Variants in PARP3 observed in about 807,000 individuals in gnomAD.
The protein encoded by PARP3 is protein mono-ADP-ribosyltransferase PARP3.
PARP3 carries 46 observed loss-of-function variants against 58.2 expected under a neutral mutation model. The observed-to-expected ratio is 0.79, with a 90% confidence interval of 0.62 to 1.01. The LOEUF is 1.01. Among genes scored for constraint, PARP3 ranks in the 50% least tolerant of loss-of-function variants. The pLI is 0.00. For missense variants in PARP3, 663 were observed against 683.9 expected, an observed-to-expected ratio of 0.97 and a Z score of 0.34; for synonymous variants, 252 against 266.4, an observed-to-expected ratio of 0.95 and a Z score of 0.53.
intron 1 of PARP3, chr3:51,942,920 T>G: frequency 7.1e-7 from 1 of 1,409,676 alleles, no homozygotes; most frequent in Non-Finnish European, 9.2e-7. Flanking sequence ...CTGCCCACCC[T>G]CCCCCATAGC....
chr3:51,945,294 G>A, intron 6 of PARP3, 70 bp downstream of exon 6: 9 of 1,509,868 alleles, frequency 6.0e-6, no homozygotes, highest in Non-Finnish European at 2.7e-6. Context: ...CGAGATGAAG[G>A]GCAGGTGGCC....
Position 51,943,592 on chromosome 3 carries a change from A to G in PARP3, c.183+54A>G. ...AGCCTGCCCACTGATAAGCACAAAC[A>G]CACCCAGGCCACCCCCTTAGGACTC... On this transcript the variant is annotated intron_variant, in intron 2 of 10. Coordinates refer to ENST00000398755, the MANE Select transcript of PARP3 (RefSeq NM_001003931.4). 5.3e-6 allele frequency: 8 copies of G among 1,502,614 alleles called. No individual in the cohort carries two copies. The South Asian group carries it at 8.3e-5, about 16-fold the overall frequency. 93.1% of individuals were successfully genotyped at this position (1,502,614 alleles called of 1,614,324 possible). A position where few individuals can be genotyped will look rare whatever the true frequency, so the allele number is the denominator to read the frequency against.
chr3:51,945,939 G>A lies in PARP3; in HGVS notation c.1098G>A (p.Glu366=), dbSNP rs1699666728. Residue 366 remains glutamate (E), a splice_region_variant and synonymous_variant, in exon 8 of 11, where the codon GAG becomes GAA. Transcript: ENST00000398755. ...TCTGGAAAGTAAACCAAGAAGGGGA[G>A]GTGAGGGAGGTTCCCCCACCTCTCC... ...QHIWKVNQEG[E]EDRFQAHSKL... 1 of 1,612,376 alleles carries A rather than the reference G, an allele frequency of 6.2e-7. No individual in the cohort carries two copies. Among genetic ancestry groups the A allele is most frequent in the African/African-American group, 1.3e-5 (1 of 74,896 alleles).
chr3:51,943,993 C>T (rs760653558), intron 2 of PARP3, 96 bp from the exon 3 acceptor site: 29 of 1,195,834 alleles, frequency 2.4e-5, no homozygotes, highest in East Asian at 4.7e-5. Context: ...CTCCCACTGC[C>T]GTCAGACTCC....
In PARP3 at chr3:51,943,994, G is replaced by C. The variant is rs116642875; in HGVS notation, c.184-95G>C. The C allele has an allele frequency of 4.7e-4, 580 of 1,240,416 alleles. 3 individuals carry two copies. In the African/African-American group the frequency reaches 7.2e-3, roughly 15 times the overall value. 76.8% of individuals were successfully genotyped at this position (1,240,416 alleles called of 1,614,324 possible). The stretch of plus-strand genomic sequence containing the variant: ...CAGGGTCCCTCTGACTCCCACTGCC[G>C]TCAGACTCCTGTCCCCATCAGAGCC... On this transcript the variant is annotated intron_variant, in intron 2 of 10. Transcript: ENST00000398755.
Position 51,942,519 on chromosome 3 carries a change from G to C in PARP3, c.-192G>C, listed in dbSNP as rs997877005. The C allele has an allele frequency of 1.4e-6, 1 of 695,986 alleles. No homozygotes were observed. The highest frequency in any genetic ancestry group is 2.0e-5 in the Admixed American group (1 of 48,906). 43.1% of individuals were successfully genotyped at this position (695,986 alleles called of 1,614,324 possible). On this transcript the variant is annotated 5_prime_UTR_variant, in exon 1 of 11. Transcript: ENST00000398755. ...GCCCCAGCCTCTGCTTCACCCCACT[G>C]GTGGCCAAATAGCCGATGTCTAATC... is the stretch of plus-strand genomic sequence containing the variant.
Position 51,943,435 on chromosome 3 carries a change from A to T in PARP3, c.80A>T (p.Asp27Val). The T allele has an allele frequency of 1.9e-6, 3 of 1,606,672 alleles. No homozygotes were observed. Among genetic ancestry groups the T allele is most frequent in the Non-Finnish European group, 2.5e-6 (3 of 1,177,164 alleles). ...GGCCGGCAGGCAGGAAGGGAGGAGG[A>T]CCCCTTCCGCTCCACCGCTGAGGCC... ...KKGRQAGREEDPFRSTAEALK... is the reference protein window; with the variant it reads ...KKGRQAGREEVPFRSTAEALK... Residue 27 changes from aspartate (D) to valine (V), a missense_variant, in exon 2 of 11, where the codon GAC (aspartate) becomes GTC (valine). This residue lies in a region of PARP3 where 567 missense variants were observed against 553.6 expected (regional missense o/e 1.02). Coordinates refer to ENST00000398755, the MANE Select transcript of PARP3 (RefSeq NM_001003931.4).
chr3:51,947,957 A>AGGG (rs569221325), intron 10 of PARP3, 62 bp downstream of exon 10: 40,873 of 1,521,756 alleles, frequency 0.027, 692 homozygotes, highest in Non-Finnish European at 0.033. Context: ...GGGCTGGGAC[A>AGGG]TTTTCAGGGA....
At position 51,946,411 on chromosome 3, in the gene PARP3, C is replaced by A; in HGVS notation, c.1276+68C>A. 2 of 1,286,958 alleles carry A rather than the reference C, an allele frequency of 1.6e-6. No homozygotes were observed. Among genetic ancestry groups the A allele is most frequent in the Non-Finnish European group, 2.2e-6 (2 of 928,176 alleles). The allele number at this position is 1,286,958 out of a possible 1,614,324, so 79.7% of individuals were successfully genotyped here. ...AAGATGGATTGGGCCCAGTCCTTGG[C>A]CACTGGAAATTCATGGTGAATCCAA... is the stretch of plus-strand genomic sequence containing the variant. On this transcript the variant is annotated intron_variant, in intron 9 of 10. Transcript: ENST00000398755. This position sits in a 1 kb window ranked among gnomAD's most constrained non-coding sequence, Gnocchi z 4.6.
intron 10 of PARP3, among the ~76,000 whole-genome samples, 182 bp from the exon 11 acceptor site, chr3:51,948,129 G>A (rs1224301665): frequency 6.6e-6 from 1 of 152,242 alleles, no homozygotes; most frequent in African/African-American, 2.4e-5. Context: ...GTTTCCCAGA[G>A]AGAAGTCGGG....
chr3:51,944,878 T>C lies in PARP3; in HGVS notation c.602T>C (p.Met201Thr). 1.9e-6 allele frequency: 3 copies of C among 1,613,960 alleles called. No homozygotes were observed. The highest frequency in any genetic ancestry group is 2.2e-5 in the South Asian group (2 of 91,088). The change falls in exon 5 of 11, where the codon ATG becomes ACG. Residue 201 changes from methionine to threonine, a missense_variant. Met to Thr is a moderately conservative substitution (Grantham distance 81). Coordinates refer to ENST00000398755, the MANE Select transcript of PARP3 (RefSeq NM_001003931.4). This position sits in a 1 kb window ranked among gnomAD's most constrained non-coding sequence, Gnocchi z 4.2. ...ATCACTAACATCTTCAGCAAGGAGA[T>C]GTTCAAGAACACCATGGCCCTCATG... ...KLITNIFSKE[M>T]FKNTMALMDL...
rs945886306 is a variant in PARP3, at chr3:51,946,101, A to G, written c.1099-65A>G. On this transcript the variant is annotated intron_variant, in intron 8 of 10. Transcript: ENST00000398755. This position sits in a 1 kb window ranked among gnomAD's most constrained non-coding sequence, Gnocchi z 4.6. ...GGGACACTAGGCCTTGGTCACAAGC[A>G]GCAGGGCAAGGCGACTGAGTGCTCG... 5 of 1,469,326 alleles carry G rather than the reference A, an allele frequency of 3.4e-6. No homozygotes were observed. In the African/African-American group the frequency reaches 4.2e-5, roughly 12 times the overall value. The allele number at this position is 1,469,326 out of a possible 1,614,324, so 91.0% of individuals were successfully genotyped here. A position where few individuals can be genotyped will look rare whatever the true frequency, so the allele number is the denominator to read the frequency against.
chr3:51,944,285 G>A lies in PARP3; in HGVS notation c.312+68G>A. ...AAAAGGCCACAGCTACTGACTTGGG[G>A]GGGCACCTCCCAACTGTCCCAGGGC... On this transcript the variant is annotated intron_variant, in intron 3 of 10. Coordinates refer to ENST00000398755, the MANE Select transcript of PARP3 (RefSeq NM_001003931.4). The surrounding 1 kb of genome is among the most constrained non-coding windows in gnomAD (Gnocchi z 4.2). The A allele has an allele frequency of 1.9e-6, 3 of 1,606,026 alleles. No individual in the cohort carries two copies. The highest frequency in any genetic ancestry group is 2.6e-6 in the Non-Finnish European group (3 of 1,174,250).
Position 51,942,716 on chromosome 3 carries a change from T to C in PARP3, c.-3+8T>C, listed in dbSNP as rs1244745675. 2.6e-6 allele frequency: 4 copies of C among 1,556,932 alleles called. No individual in the cohort carries two copies. The East Asian group carries it at 7.2e-5, about 28-fold the overall frequency. The stretch of plus-strand genomic sequence containing the variant: ...TGTCCCTGCTTTTCTTGGGTGAGTG[T>C]CCTATGGTCCTGCCCACGGCAGGGC... On this transcript the variant is annotated splice_region_variant and intron_variant, in intron 1 of 10. Coordinates refer to ENST00000398755, the MANE Select transcript of PARP3 (RefSeq NM_001003931.4).
chr3:51,947,553 C>G, intron 9 of PARP3, 187 bp from the exon 10 acceptor site: 2 of 632,282 alleles, frequency 3.2e-6, no homozygotes, highest in South Asian at 3.8e-5. Flanking sequence ...AGATGCCTGG[C>G]CATAGGGAGC....
chr3:51,942,689 C>A lies in PARP3; in HGVS notation c.-22C>A. 6.4e-7 allele frequency: 1 copy of A among 1,551,460 alleles called. No homozygotes were observed. Among genetic ancestry groups the A allele is most frequent in the Non-Finnish European group, 8.8e-7 (1 of 1,142,472 alleles). ...GCCGGGTGGCAGCCAGGACCTCTCC[C>A]ATGTCCCTGCTTTTCTTGGGTGAGT... is the stretch of plus-strand genomic sequence containing the variant. On this transcript the variant is annotated 5_prime_UTR_variant, in exon 1 of 11. Coordinates refer to ENST00000398755, the MANE Select transcript of PARP3 (RefSeq NM_001003931.4).
At position 51,944,859 on chromosome 3, in the gene PARP3, A is replaced by G; in HGVS notation, c.583A>G (p.Asn195Asp). 6.2e-7 allele frequency: 1 copy of G among 1,613,970 alleles called. No individual in the cohort carries two copies. Among genetic ancestry groups the G allele is most frequent in the Non-Finnish European group, 8.5e-7 (1 of 1,180,010 alleles). The change falls in exon 5 of 11, where the codon AAC (asparagine) becomes GAC (aspartate). Residue 195 changes from asparagine (N) to aspartate (D), a missense_variant. Transcript: ENST00000398755. The surrounding 1 kb of genome is among the most constrained non-coding windows in gnomAD (Gnocchi z 4.2). ...LDPATQKLIT[N>D]IFSKEMFKNT... ...CCCAGCCACGCAGAAGCTCATCACT[A>G]ACATCTTCAGCAAGGAGATGTTCAA... is the stretch of plus-strand genomic sequence containing the variant.
Position 51,945,571 on chromosome 3 carries a change from A to G in PARP3, c.938A>G (p.His313Arg). The G allele has an allele frequency of 6.2e-7, 1 of 1,613,578 alleles. No individual in the cohort carries two copies. The highest frequency in any genetic ancestry group is 8.5e-7 in the Non-Finnish European group (1 of 1,179,938). Reference sequence around the variant, plus strand: ...GAGAAGACGGTGGAGGAGGTGCCACACCCCCTGGACCGAGACTACCAGCTT... The same window carrying G: ...GAGAAGACGGTGGAGGAGGTGCCACGCCCCCTGGACCGAGACTACCAGCTT... ...EQEKTVEEVP[H>R]PLDRDYQLLK... Residue 313 changes from histidine to arginine, a missense_variant, in exon 7 of 11, where the codon CAC becomes CGC. Transcript: ENST00000398755.
At chr3:51,943,679 AC>A in intron 2 of PARP3, 141 bp downstream of exon 2, 1 of 787,924 alleles carries the variant, frequency 1.3e-6, no homozygotes, top group Non-Finnish European at 2.0e-6. Flanking sequence ...TGTTCTCCTG[AC>A]CCCAGACATC....
Sources: allele counts gnomAD v4.1 joint callset (sites outside exome capture counted in the v4.1 genomes callset), GRCh38; gene constraint gnomAD v4.1.1; regional missense constraint gnomAD v4.1.1; non-coding constraint Gnocchi (gnomAD v3.1); transcripts MANE v1.5; gene names NCBI Gene and HGNC (gene_info 2026-07-23, HGNC 2026-07-21).